ARFGEF1: variants seen among roughly 807,000 people sequenced by gnomAD.
ARFGEF1 encodes brefeldin A-inhibited guanine nucleotide-exchange protein 1.
A neutral mutation model predicts 231.0 loss-of-function variants in ARFGEF1; 42 were observed. That is an observed-to-expected ratio of 0.18 (90% CI 0.14 to 0.24). The LOEUF (loss-of-function observed/expected upper bound fraction) is 0.24, where lower values mean the gene tolerates loss of function less well. ARFGEF1 is among the 10% of genes least tolerant of loss of function. ARFGEF1 has a pLI of 1.00. For synonymous variants in ARFGEF1, 710 were observed against 732.3 expected, an observed-to-expected ratio of 0.97 and a Z score of 0.49; for missense variants, 1,345 against 2,192.0, an observed-to-expected ratio of 0.61 and a Z score of 7.72.
At chr8:67,174,299 T>A (rs185047908), downstream of ARFGEF1, 2 of 152,270 alleles carry the variant, frequency 1.3e-5, no homozygotes, top group Admixed American at 1.3e-4. Flanking sequence ...ATTTTGTTCT[T>A]TTGATAATTT....
intron 20 of ARFGEF1, among the ~76,000 whole-genome samples, chr8:67,239,750 C>T (rs1839874272): frequency 6.6e-6 from 1 of 152,010 alleles, no homozygotes; most frequent in African/African-American, 2.4e-5. Context: ...ATTATGTATT[C>T]AATATTTACA....
At chr8:67,327,993 A>G (rs1187043554) in intron 1 of ARFGEF1, among the ~76,000 whole-genome samples, 1 of 152,162 alleles carries the variant, frequency 6.6e-6, no homozygotes. Context: ...CACATTTCTC[A>G]TTGTTTTCTA....
intron 5 of ARFGEF1, chr8:67,179,946 T>A (rs1361679158): frequency 1.5e-6 from 2 of 1,351,288 alleles, no homozygotes; most frequent in Non-Finnish European, 2.1e-6. Context: ...TTTATTTTAT[T>A]AAGGCTATAT....
intron 7 of ARFGEF1, among the ~76,000 whole-genome samples, chr8:67,280,512 T>C (rs758866651): frequency 2.0e-5 from 3 of 152,240 alleles, no homozygotes; most frequent in Admixed American, 1.3e-4. Flanking sequence ...CATTACTGAA[T>C]GATGCCAGCT....
intron 35 of ARFGEF1, 84 bp from the exon 36 acceptor site, chr8:67,203,335 G>C (rs950381768): frequency 6.8e-7 from 1 of 1,473,224 alleles, no homozygotes; most frequent in Admixed American, 1.9e-5. Context: ...CCAAAGACCA[G>C]TTTTACAAGA....
At chr8:67,185,113 AAAAAC>A (rs1317078882) in intron 5 of ARFGEF1, among the ~76,000 whole-genome samples, 6 of 150,766 alleles carry the variant, frequency 4.0e-5, no homozygotes, top group East Asian at 1.9e-4. Context: ...TCAAAAAAAA[AAAAAC>A]AAAAACAAAC....
chr8:67,329,446 G>A (rs1807994549), intron 1 of ARFGEF1, among the ~76,000 whole-genome samples: 2 of 151,198 alleles, frequency 1.3e-5, no homozygotes, highest in South Asian at 2.1e-4. Flanking sequence ...GGAGAATGGC[G>A]TGAACCCAGG....
At chr8:67,223,652 A>G (rs1268327557) in intron 29 of ARFGEF1, among the ~76,000 whole-genome samples, 1 of 152,148 alleles carries the variant, frequency 6.6e-6, no homozygotes, top group Non-Finnish European at 1.5e-5. Flanking sequence ...TAATCTGAAC[A>G]TGGAATATGG....
At chr8:67,264,744 A>G (rs1251436758) in intron 14 of ARFGEF1, among the ~76,000 whole-genome samples, 2 of 152,188 alleles carry the variant, frequency 1.3e-5, no homozygotes, top group African/African-American at 4.8e-5. Flanking sequence ...AGCTGCTGAG[A>G]GAAGGACTGG....
chr8:67,182,307 C>A (rs576795918), intron 5 of ARFGEF1, among the ~76,000 whole-genome samples: 2 of 147,668 alleles, frequency 1.4e-5, no homozygotes, highest in African/African-American at 5.3e-5. Context: ...CACACCCAGC[C>A]AGATTTCCCC....
intron 29 of ARFGEF1, among the ~76,000 whole-genome samples, chr8:67,221,239 A>G (rs951543515): frequency 2.0e-5 from 3 of 152,184 alleles, no homozygotes; most frequent in African/African-American, 7.2e-5. Flanking sequence ...TTATACTTAC[A>G]AATTTTTAAA....
intron 35 of ARFGEF1, among the ~76,000 whole-genome samples, chr8:67,204,364 C>T (rs1838438565): frequency 6.6e-6 from 1 of 152,292 alleles, no homozygotes; most frequent in African/African-American, 2.4e-5. Flanking sequence ...ACATTTTCTT[C>T]ATCTGACTTC....
chr8:67,200,969 T>C (rs1439414180), intron 37 of ARFGEF1, among the ~76,000 whole-genome samples: 2 of 152,252 alleles, frequency 1.3e-5, no homozygotes, highest in South Asian at 2.1e-4. Flanking sequence ...ATGTATTTAA[T>C]TGGCCTCAGA....
intron 15 of ARFGEF1, among the ~76,000 whole-genome samples, chr8:67,258,818 T>TAAACACACACACACACACAC (rs1840547006): frequency 7.0e-6 from 1 of 142,934 alleles, no homozygotes; most frequent in East Asian, 2.0e-4. Flanking sequence ...AAGCAGATTT[T>TAAACACACACACACACACAC]ACACACACAC....
intron 8 of ARFGEF1, among the ~76,000 whole-genome samples, chr8:67,276,862 A>C (rs1376774312): frequency 2.0e-5 from 3 of 152,184 alleles, no homozygotes; most frequent in Admixed American, 2.0e-4. Context: ...GGAATTCTCC[A>C]ATGAGCATTT....
At chr8:67,321,693 T>C (rs201263076) in intron 1 of ARFGEF1, among the ~76,000 whole-genome samples, 7 of 151,644 alleles carry the variant, frequency 4.6e-5, no homozygotes, top group Admixed American at 2.6e-4. Flanking sequence ...ATCTCCTGAC[T>C]TCGTGATCCG....
intron 29 of ARFGEF1, among the ~76,000 whole-genome samples, chr8:67,224,454 T>C (rs1043861506): frequency 6.6e-6 from 1 of 152,206 alleles, no homozygotes. Context: ...TCTATTTGAA[T>C]AGCTCTATAT....
chr8:67,185,630 A>T (rs1834355143), intron 5 of ARFGEF1, among the ~76,000 whole-genome samples: 1 of 152,184 alleles, frequency 6.6e-6, no homozygotes, highest in Non-Finnish European at 1.5e-5. Flanking sequence ...TCAGAAGATG[A>T]AGAGGAGGAT....
chr8:67,224,406 A>C (rs1839304514), intron 29 of ARFGEF1, among the ~76,000 whole-genome samples: 1 of 152,226 alleles, frequency 6.6e-6, no homozygotes, highest in Non-Finnish European at 1.5e-5. Flanking sequence ...CTATATGTTC[A>C]TAATGATCTT....
Sources: gnomAD v4.1 joint callset for allele counts (sites outside exome capture counted in the v4.1 genomes callset) on GRCh38, gnomAD v4.1.1 for gene constraint, MANE v1.5 for transcripts, NCBI Gene and HGNC (gene_info 2026-07-23, HGNC 2026-07-21) for gene names.